Variants in TTC28 observed in about 807,000 individuals in gnomAD.
TTC28 encodes tetratricopeptide repeat protein 28.
TTC28 carries 61 observed loss-of-function variants against 198.0 expected under a neutral mutation model. That is an observed-to-expected ratio of 0.31 (90% CI 0.25 to 0.38). The LOEUF (loss-of-function observed/expected upper bound fraction) is 0.38. TTC28 is among the 10% of genes least tolerant of loss of function. The probability of loss-of-function intolerance (pLI) is 1.00; values close to 1 mark genes in which losing one functional copy is unlikely to be tolerated. For synonymous variants in TTC28, 1,171 were observed against 1,297.8 expected, an observed-to-expected ratio of 0.90 and a Z score of 2.10; for missense variants, 2,678 against 3,164.0, an observed-to-expected ratio of 0.85 and a Z score of 3.69.
rs529405628 is a variant in TTC28, at chr22:28,024,429, A to AAATGGGAAG, written c.4073+5788_4073+5796dup. On this transcript the variant is annotated intron_variant, in intron 13 of 22. Transcript: ENST00000397906. ...GAGGGTGGGGGGAAAATGGAACAGG[A>AAATGGGAAG]AATGGGAAGAATGGCAAGGTGGGAC... Among the ~76,000 whole-genome samples, 5 of 152,238 alleles carry AAATGGGAAG rather than the reference A, an allele frequency of 3.3e-5. No individual in the cohort carries two copies. The South Asian group carries it at 1.0e-3, about 32-fold the overall frequency.
chr22:27,990,753 C>G (rs1459907289), intron 20 of TTC28, 36 bp downstream of exon 20: 1 of 1,547,662 alleles, frequency 6.5e-7, no homozygotes, highest in Admixed American at 2.0e-5. Context: ...TTGAGGGGCT[C>G]ACCTGACAAC....
chr22:28,220,230 T>C (rs987420567), intron 5 of TTC28, among the ~76,000 whole-genome samples: 4 of 152,262 alleles, frequency 2.6e-5, no homozygotes, highest in African/African-American at 9.6e-5. Flanking sequence ...GATATTCTAA[T>C]TGCTGTATGT....
intron 2 of TTC28, among the ~76,000 whole-genome samples, chr22:28,427,496 C>CA (rs2047367104): frequency 6.6e-6 from 1 of 151,556 alleles, no homozygotes; most frequent in African/African-American, 2.4e-5. Context: ...ACTAAACATA[C>CA]AAAAAATTAG....
chr22:28,048,363 G>A (rs1284539412), intron 12 of TTC28, among the ~76,000 whole-genome samples: 3 of 152,114 alleles, frequency 2.0e-5, no homozygotes, highest in African/African-American at 7.2e-5. Flanking sequence ...AGTGTCTAAT[G>A]CAGAGAGTCA....
chr22:28,134,942 T>C (rs778752411), intron 6 of TTC28, among the ~76,000 whole-genome samples: 2 of 152,374 alleles, frequency 1.3e-5, no homozygotes, highest in South Asian at 4.1e-4. Context: ...ATTCTTATAA[T>C]GTTTACTTTA....
At chr22:28,215,916 A>T (rs915350664) in intron 5 of TTC28, among the ~76,000 whole-genome samples, 36 of 152,236 alleles carry the variant, frequency 2.4e-4, no homozygotes, top group African/African-American at 8.4e-4. Flanking sequence ...CCATATTTGC[A>T]CAAAGTACAG....
At chr22:28,015,484 G>A (rs1938334398) in intron 13 of TTC28, among the ~76,000 whole-genome samples, 1 of 150,896 alleles carries the variant, frequency 6.6e-6, no homozygotes, top group South Asian at 2.1e-4. Flanking sequence ...GTGCAGTGGT[G>A]CAAACATAGC....
chr22:27,995,722 C>T (rs1295252845), intron 17 of TTC28, among the ~76,000 whole-genome samples: 1 of 152,198 alleles, frequency 6.6e-6, no homozygotes, highest in Non-Finnish European at 1.5e-5. Flanking sequence ...AACACTGAGG[C>T]TCGGAGAGCC....
At chr22:28,447,443 G>C (rs907745344) in intron 2 of TTC28, among the ~76,000 whole-genome samples, 1 of 152,100 alleles carries the variant, frequency 6.6e-6, no homozygotes, top group African/African-American at 2.4e-5. Flanking sequence ...ATCCTAACAG[G>C]CCAAACAAAA....
Position 28,005,855 on chromosome 22 carries a change from G to GA in TTC28, c.4219-4303dup, listed in dbSNP as rs750315691. On this transcript the variant is annotated intron_variant, in intron 14 of 22. Transcript: ENST00000397906. This position sits in a 1 kb window ranked among gnomAD's most constrained non-coding sequence, Gnocchi z 4.9. ...GACATATCTCTGTGTCCTGTGGGCT[G>GA]AATCACACCTCCTCCCATGTTCATT... is the stretch of plus-strand genomic sequence containing the variant. Among the ~76,000 whole-genome samples the GA allele has an allele frequency of 3.9e-5, 6 of 152,212 alleles. No homozygotes were observed. The highest frequency in any genetic ancestry group is 8.8e-5 in the Non-Finnish European group (6 of 68,040).
chr22:28,544,071 A>T (rs535379732), intron 2 of TTC28, among the ~76,000 whole-genome samples: 23 of 152,118 alleles, frequency 1.5e-4, no homozygotes, highest in African/African-American at 5.5e-4. Context: ...AAATACAAAA[A>T]TTAGCCAGGC....
chr22:28,403,335 G>A (rs1029140503), intron 2 of TTC28, among the ~76,000 whole-genome samples: 8 of 152,148 alleles, frequency 5.3e-5, no homozygotes, highest in African/African-American at 1.2e-4. Flanking sequence ...GAATAAAGCC[G>A]TTTTCCTCCT....
At chr22:28,564,721 G>A (rs1569028453) in intron 2 of TTC28, among the ~76,000 whole-genome samples, 1 of 151,064 alleles carries the variant, frequency 6.6e-6, no homozygotes. Flanking sequence ...AGGAACCCCA[G>A]ATCATTCTGA....
intron 10 of TTC28, among the ~76,000 whole-genome samples, chr22:28,097,863 C>G (rs768450666): frequency 6.6e-6 from 1 of 152,158 alleles, no homozygotes; most frequent in African/African-American, 2.4e-5. Context: ...ACGGGAAAAT[C>G]GGCCCCTAGG....
chr22:28,644,066 A>G (rs1287886299), intron 1 of TTC28, among the ~76,000 whole-genome samples: 2 of 152,160 alleles, frequency 1.3e-5, no homozygotes, highest in Admixed American at 1.3e-4. Context: ...GCTCTTAACC[A>G]TTTTATACTT....
intron 12 of TTC28, among the ~76,000 whole-genome samples, chr22:28,082,337 C>T (rs9625399): frequency 0.067 from 10,153 of 152,222 alleles, 391 homozygotes; most frequent in South Asian, 0.089. Context: ...CCTGGTCTTA[C>T]ATGAAATATT....
At chr22:28,498,209 C>G (rs536378244) in intron 2 of TTC28, among the ~76,000 whole-genome samples, 3 of 151,576 alleles carry the variant, frequency 2.0e-5, no homozygotes, top group Admixed American at 2.0e-4. Context: ...ATTCTCCTCA[C>G]ATGAGGAGCC....
intron 2 of TTC28, among the ~76,000 whole-genome samples, chr22:28,590,207 A>G (rs1164830511): frequency 6.8e-6 from 1 of 146,298 alleles, no homozygotes; most frequent in Non-Finnish European, 1.5e-5. Context: ...GGCTCACTGC[A>G]AGCTCCACTT....
intron 6 of TTC28, among the ~76,000 whole-genome samples, chr22:28,119,872 C>A (rs1942738558): frequency 6.6e-6 from 1 of 152,178 alleles, no homozygotes; most frequent in African/African-American, 2.4e-5. Context: ...ATTGGGAAGT[C>A]TTTTGGCTGG....
Sources: gnomAD v4.1 joint callset for allele counts (sites outside exome capture counted in the v4.1 genomes callset) on GRCh38, gnomAD v4.1.1 for gene constraint, Gnocchi (gnomAD v3.1) non-coding constraint, MANE v1.5 for transcripts, NCBI Gene and HGNC (gene_info 2026-07-23, HGNC 2026-07-21) for gene names.